ANKRD11: variants seen among roughly 807,000 people sequenced by gnomAD.
ANKRD11 encodes ankyrin repeat domain-containing protein 11.
ANKRD11 carries 17 observed loss-of-function variants against 195.7 expected under a neutral mutation model. The observed-to-expected ratio is 0.09, with a 90% CI of 0.06 to 0.13. The LOEUF is 0.13. Ranked by LOEUF, ANKRD11 falls within the 10% of genes least tolerant of loss-of-function variation. ANKRD11 has a pLI of 1.00. For missense variants in ANKRD11, 3,735 were observed against 3,566.1 expected (o/e 1.05, Z -1.21); for synonymous variants, 1,953 against 1,528.1 (o/e 1.28, Z -6.49).
In ANKRD11 at chr16:89,446,326, G is replaced by T. The variant is rs148535807; in HGVS notation, c.-144-27958C>A. ...TAAACAGTTTAACACTGAGGTGGAC[G>T]GGCGCAGTGGCTCACGCCCCTAATC... is the stretch of plus-strand genomic sequence containing the variant. On this transcript the variant is annotated intron_variant, in intron 1 of 12. Coordinates refer to ENST00000301030, the MANE Select transcript of ANKRD11 (RefSeq NM_013275.6). Among the ~76,000 whole-genome samples, 12 of 152,218 alleles carry T rather than the reference G, an allele frequency of 7.9e-5. No individual in the cohort carries two copies. In the East Asian group the frequency reaches 2.1e-3, roughly 27 times the overall value.
At chr16:89,328,342 G>A (rs2037846060) in intron 2 of ANKRD11, among the ~76,000 whole-genome samples, 1 of 152,186 alleles carries the variant, frequency 6.6e-6, no homozygotes, top group Non-Finnish European at 1.5e-5. Flanking sequence ...TGCACCCCAG[G>A]ACATTTATCT....
At chr16:89,287,835 G>C (rs1184240620) in intron 7 of ANKRD11, 1 of 243,776 alleles carries the variant, frequency 4.1e-6, no homozygotes, top group Admixed American at 5.0e-5. Context: ...GGCCAGGCTG[G>C]GCTTGCTGCA....
At chr16:89,352,840 C>T (rs917311186) in intron 2 of ANKRD11, among the ~76,000 whole-genome samples, 4 of 152,344 alleles carry the variant, frequency 2.6e-5, no homozygotes, top group Middle Eastern at 3.4e-3. Context: ...AGGGCCCCTA[C>T]CTGCTTTGTC....
chr16:89,273,150 T>C (rs764142689), intron 11 of ANKRD11: 1 of 151,230 alleles, frequency 6.6e-6, no homozygotes, highest in African/African-American at 2.4e-5. Context: ...TAAAATAACA[T>C]ATAAGAGCGT....
At chr16:89,383,590 C>T (rs895151332) in intron 2 of ANKRD11, among the ~76,000 whole-genome samples, 9 of 152,318 alleles carry the variant, frequency 5.9e-5, no homozygotes, top group Admixed American at 2.6e-4. Flanking sequence ...TGGCCAAAGC[C>T]GAAGAGCCTC....
At chr16:89,447,252 G>A (rs1205055460) in intron 1 of ANKRD11, among the ~76,000 whole-genome samples, 1 of 151,934 alleles carries the variant, frequency 6.6e-6, no homozygotes, top group Non-Finnish European at 1.5e-5. Context: ...CCCATTCCTT[G>A]CCCTCATTAA....
chr16:89,463,172 G>C (rs1028126786), intron 1 of ANKRD11, among the ~76,000 whole-genome samples: 3 of 152,228 alleles, frequency 2.0e-5, no homozygotes, highest in Admixed American at 6.5e-5. Flanking sequence ...TCTGGGAGGT[G>C]TGCCCAACAG....
At chr16:89,302,411 C>G (rs975337108) in intron 4 of ANKRD11, among the ~76,000 whole-genome samples, 1 of 152,186 alleles carries the variant, frequency 6.6e-6, no homozygotes, top group African/African-American at 2.4e-5. Context: ...CGCCGCCACA[C>G]CTGGCTAATT....
intron 1 of ANKRD11, among the ~76,000 whole-genome samples, chr16:89,441,100 G>C (rs979597169): frequency 3.9e-5 from 6 of 151,980 alleles, no homozygotes; most frequent in African/African-American, 1.5e-4. Flanking sequence ...GCCGGGCGTG[G>C]TGGTGGGCGC....
At chr16:89,385,394 G>GCC (rs1483344793) in intron 2 of ANKRD11, among the ~76,000 whole-genome samples, 1 of 152,134 alleles carries the variant, frequency 6.6e-6, no homozygotes, top group Non-Finnish European at 1.5e-5. Context: ...CTCCCAAAGT[G>GCC]CTGGGATTAC....
At chr16:89,368,375 T>G (rs1000112681) in intron 2 of ANKRD11, among the ~76,000 whole-genome samples, 19 of 46,996 alleles carry the variant, frequency 4.0e-4, no homozygotes, top group East Asian at 3.0e-3. Context: ...TTTTGTGTTT[T>G]TTTTTTTTTT....
chr16:89,274,270 G>A (rs901215493), intron 11 of ANKRD11, among the ~76,000 whole-genome samples: 2 of 152,220 alleles, frequency 1.3e-5, no homozygotes, highest in African/African-American at 4.8e-5. Context: ...CACAGCAGAT[G>A]GGCAGGACAG....
intron 2 of ANKRD11, among the ~76,000 whole-genome samples, chr16:89,317,996 T>C (rs954515140): frequency 6.6e-6 from 1 of 152,140 alleles, no homozygotes; most frequent in African/African-American, 2.4e-5. Flanking sequence ...CTGCAAGAAC[T>C]TTCCGAAGCA....
At chr16:89,290,057 A>G (rs983680501) in intron 6 of ANKRD11, among the ~76,000 whole-genome samples, 2 of 152,354 alleles carry the variant, frequency 1.3e-5, no homozygotes, top group Non-Finnish European at 2.9e-5. Flanking sequence ...AAAACCCAGC[A>G]AACAAGTTTA....
intron 2 of ANKRD11, among the ~76,000 whole-genome samples, chr16:89,403,404 C>G (rs1480759798): frequency 6.6e-6 from 1 of 152,128 alleles, no homozygotes; most frequent in Non-Finnish European, 1.5e-5. Flanking sequence ...GCAGAGCACA[C>G]GCAGGTGAGG....
intron 2 of ANKRD11, among the ~76,000 whole-genome samples, chr16:89,341,034 T>C (rs1306011590): frequency 6.6e-6 from 1 of 152,220 alleles, no homozygotes; most frequent in Non-Finnish European, 1.5e-5. Flanking sequence ...TTTTAAAATA[T>C]AAATGGCTTC....
Position 89,487,304 on chromosome 16 carries a change from T to C in ANKRD11, c.-145+2941A>G, listed in dbSNP as rs146736469. Among the ~76,000 whole-genome samples the C allele has an allele frequency of 1.1e-3, 171 of 152,334 alleles. 1 individual carries two copies. Among genetic ancestry groups the C allele is most frequent in the African/African-American group, 3.6e-3 (150 of 41,576 alleles). Reference sequence around the variant, plus strand: ...GGATGAAGGGAGTTACACAGAGTAATGGACAGATCAAAACACTTATTTTGG... The same window carrying C: ...GGATGAAGGGAGTTACACAGAGTAACGGACAGATCAAAACACTTATTTTGG... On this transcript the variant is annotated intron_variant, in intron 1 of 12. Coordinates refer to ENST00000301030, the MANE Select transcript of ANKRD11 (RefSeq NM_013275.6).
intron 3 of ANKRD11, among the ~76,000 whole-genome samples, chr16:89,316,483 C>T (rs996513361): frequency 3.9e-5 from 6 of 152,234 alleles, no homozygotes; most frequent in African/African-American, 9.7e-5. Context: ...CAGGAATCAG[C>T]GTTAACCGCA....
chr16:89,437,779 C>T (rs1381730178), intron 1 of ANKRD11, among the ~76,000 whole-genome samples: 1 of 152,168 alleles, frequency 6.6e-6, no homozygotes, highest in African/African-American at 2.4e-5. Context: ...CCATGCCTCT[C>T]CACTACTCCT....
Sources: allele counts gnomAD v4.1 joint callset (sites outside exome capture counted in the v4.1 genomes callset), GRCh38; gene constraint gnomAD v4.1.1; transcripts MANE v1.5; gene names NCBI Gene and HGNC (gene_info 2026-07-23, HGNC 2026-07-21).